Variants in TENM2 observed in about 807,000 individuals in gnomAD.
TENM2 encodes the protein teneurin transmembrane protein 2, also known as teneurin-2.
TENM2 carries 52 observed loss-of-function variants against 245.2 expected under a neutral mutation model. The observed-to-expected ratio is 0.21, with a 90% CI of 0.17 to 0.27. TENM2 has a LOEUF of 0.27. Ranked by LOEUF, TENM2 falls within the 10% of genes least tolerant of loss-of-function variation. The pLI is 1.00. For missense variants in TENM2, 3,046 were observed against 3,666.8 expected (o/e 0.83, Z 4.37); for synonymous variants, 1,363 against 1,438.9 (o/e 0.95, Z 1.19).
chr5:168,013,502 G>A (rs1037177921), intron 5 of TENM2, among the ~76,000 whole-genome samples: 1 of 151,976 alleles, frequency 6.6e-6, no homozygotes, highest in Non-Finnish European at 1.5e-5. Context: ...TACCCAGGAG[G>A]CTGAGGCAGG....
At chr5:167,006,396 C>T in the TENM2 span, among the ~76,000 whole-genome samples, 6,224 of 152,146 alleles carry the variant, frequency 0.041, 110 homozygotes, top group East Asian at 0.074. Flanking sequence ...CATTTAATTT[C>T]GTCTTGCTTG....
At chr5:167,263,590 T>C in the TENM2 span, among the ~76,000 whole-genome samples, 8 of 152,206 alleles carry the variant, frequency 5.3e-5, no homozygotes, top group African/African-American at 1.9e-4. Context: ...AATGTGTCCT[T>C]AATCATTTAT....
intron 23 of TENM2, among the ~76,000 whole-genome samples, chr5:168,224,939 A>C (rs1764020835): frequency 6.6e-6 from 1 of 152,174 alleles, no homozygotes; most frequent in African/African-American, 2.4e-5. Context: ...GGCTGTCCCA[A>C]CTAGAACAAG....
chr5:167,705,967 A>ATT (rs1418974201), intron 2 of TENM2, among the ~76,000 whole-genome samples: 1 of 75,570 alleles, frequency 1.3e-5, no homozygotes, highest in East Asian at 6.8e-4. Flanking sequence ...AGGCTGGGTT[A>ATT]TATATATATA....
At chr5:167,070,249 C>G in the TENM2 span, among the ~76,000 whole-genome samples, 2 of 149,524 alleles carry the variant, frequency 1.3e-5, no homozygotes, top group Non-Finnish European at 3.0e-5. Context: ...TCCCGAGTAG[C>G]TGGGACTACA....
the TENM2 span, among the ~76,000 whole-genome samples, chr5:167,130,185 A>G: frequency 6.6e-6 from 1 of 152,212 alleles, no homozygotes; most frequent in East Asian, 1.9e-4. Flanking sequence ...AACTCAATGT[A>G]CAAAGAGTAA....
chr5:167,418,750 A>T (rs1265914788), intron 2 of TENM2, among the ~76,000 whole-genome samples: 6 of 152,226 alleles, frequency 3.9e-5, no homozygotes, highest in Admixed American at 3.9e-4. Context: ...GAAGAGGAAG[A>T]GTTCATTATT....
intron 2 of TENM2, among the ~76,000 whole-genome samples, chr5:167,567,306 G>A (rs1582407383): frequency 6.6e-6 from 1 of 152,084 alleles, no homozygotes; most frequent in African/African-American, 2.4e-5. Context: ...AATCAAGAAG[G>A]AAGCATTATG....
chr5:167,537,805 T>A (rs529532710), intron 2 of TENM2, among the ~76,000 whole-genome samples: 1 of 152,262 alleles, frequency 6.6e-6, no homozygotes, highest in Non-Finnish European at 1.5e-5. Context: ...GGATGAAGAT[T>A]TTGAATGAAA....
At chr5:167,391,317 G>A (rs1761739526) in intron 2 of TENM2, among the ~76,000 whole-genome samples, 2 of 152,072 alleles carry the variant, frequency 1.3e-5, no homozygotes, top group African/African-American at 4.8e-5. Context: ...GAATGTAGTA[G>A]TTGAGAAAAG....
chr5:167,860,963 C>A (rs1771736315), intron 2 of TENM2, among the ~76,000 whole-genome samples: 1 of 127,248 alleles, frequency 7.9e-6, no homozygotes, highest in Non-Finnish European at 1.6e-5. Context: ...ACTTGTTTAT[C>A]TGCTGACCTT....
chr5:168,120,669 G>A (rs1315405943), intron 10 of TENM2, among the ~76,000 whole-genome samples: 7 of 152,182 alleles, frequency 4.6e-5, no homozygotes, highest in African/African-American at 1.7e-4. Flanking sequence ...CTCCTCCGTT[G>A]ATTTCTGCTA....
intron 2 of TENM2, among the ~76,000 whole-genome samples, chr5:167,833,557 C>T (rs991261348): frequency 6.6e-6 from 1 of 152,244 alleles, no homozygotes; most frequent in Non-Finnish European, 1.5e-5. Flanking sequence ...TCCTCATGCT[C>T]ATTGGTTGAC....
chr5:168,016,380 A>G (rs979418343), intron 5 of TENM2, among the ~76,000 whole-genome samples: 1 of 152,162 alleles, frequency 6.6e-6, no homozygotes, highest in Non-Finnish European at 1.5e-5. Flanking sequence ...AACGGTATAT[A>G]TTTTTTCTTC....
chr5:167,682,146 GTTCCTTCC>G (rs113715821), intron 2 of TENM2, among the ~76,000 whole-genome samples: 13 of 103,636 alleles, frequency 1.3e-4, no homozygotes, highest in Non-Finnish European at 1.6e-4. Context: ...GCCTGCCTGC[GTTCCTTCC>G]TTCCTTCCTT....
chr5:168,129,693 C>A (rs1014262504), intron 12 of TENM2: 1 of 152,138 alleles, frequency 6.6e-6, no homozygotes, highest in African/African-American at 2.4e-5. Flanking sequence ...TATCTCCGGC[C>A]CCCAGAGCTG....
At chr5:167,229,932 C>A in the TENM2 span, among the ~76,000 whole-genome samples, 1 of 152,168 alleles carries the variant, frequency 6.6e-6, no homozygotes, top group African/African-American at 2.4e-5. Context: ...TTTGCCTTGG[C>A]CCACAGCATT....
At chr5:167,102,848 G>A in the TENM2 span, among the ~76,000 whole-genome samples, 5 of 152,202 alleles carry the variant, frequency 3.3e-5, 1 homozygote, top group African/African-American at 9.6e-5. Flanking sequence ...TAGTAGAGAC[G>A]GGGGTTTCAG....
the TENM2 span, among the ~76,000 whole-genome samples, chr5:167,176,298 T>G: frequency 6.6e-6 from 1 of 152,236 alleles, no homozygotes; most frequent in Non-Finnish European, 1.5e-5. Flanking sequence ...ACCCAACTTG[T>G]GCTTCATGAC....
Sources: gnomAD v4.1 joint callset for allele counts (sites outside exome capture counted in the v4.1 genomes callset) on GRCh38, gnomAD v4.1.1 for gene constraint, MANE v1.5 for transcripts, NCBI Gene and HGNC (gene_info 2026-07-23, HGNC 2026-07-21) for gene names.